BEND2: variants seen among roughly 807,000 people sequenced by gnomAD.
The protein encoded by BEND2 is BEN domain containing 2.
BEND2 carries 19 observed loss-of-function variants against 43.8 expected under a neutral mutation model. The observed-to-expected ratio is 0.43, with a 90% CI of 0.30 to 0.64. The LOEUF is 0.64. BEND2 is among the 30% of genes least tolerant of loss of function. The probability of loss-of-function intolerance (pLI) is 0.11; values close to 1 mark genes in which losing one functional copy is unlikely to be tolerated. For missense variants in BEND2, 544 were observed against 574.0 expected, an observed-to-expected ratio of 0.95 and a Z score of 0.53; for synonymous variants, 226 against 210.1, an observed-to-expected ratio of 1.08 and a Z score of -0.66.
chrX:18,188,905 A>G (rs1924660671), intron 8 of BEND2, among the ~76,000 whole-genome samples: 1 of 112,233 alleles, frequency 8.9e-6, no homozygotes, highest in African/African-American at 3.2e-5. Flanking sequence ...ATTCAACAAT[A>G]CATTAAAAAG....
chrX:18,173,790 G>C (rs1426565315), intron 12 of BEND2, among the ~76,000 whole-genome samples: 2 of 112,033 alleles, frequency 1.8e-5, no homozygotes, highest in African/African-American at 6.5e-5. Flanking sequence ...ACACAGTCCA[G>C]TGAGTCAGCA....
intron 1 of BEND2, among the ~76,000 whole-genome samples, chrX:18,219,989 T>C (rs1307596337): frequency 9.0e-6 from 1 of 111,004 alleles, no homozygotes; most frequent in Non-Finnish European, 1.9e-5. Flanking sequence ...TCTGAGTCAT[T>C]CCTCATTCCT....
At chrX:18,174,505 A>G (rs779722517) in intron 11 of BEND2, among the ~76,000 whole-genome samples, 9 of 112,573 alleles carry the variant, frequency 8.0e-5, no homozygotes, top group East Asian at 2.8e-4. Flanking sequence ...AAGGAACTCA[A>G]TGAGAACTGC....
At chrX:18,210,680 G>A (rs1158463846) in intron 4 of BEND2, among the ~76,000 whole-genome samples, 1 of 112,144 alleles carries the variant, frequency 8.9e-6, no homozygotes, top group Non-Finnish European at 1.9e-5. Context: ...TAAACCAACA[G>A]TGACACTCTG....
intron 6 of BEND2, among the ~76,000 whole-genome samples, chrX:18,195,646 G>A (rs1181570966): frequency 4.5e-5 from 5 of 110,866 alleles, no homozygotes; most frequent in East Asian, 2.8e-4. Flanking sequence ...TTTGGGAGGC[G>A]GAGACAAGTG....
At chrX:18,216,093 A>G (rs755019942) in intron 2 of BEND2, among the ~76,000 whole-genome samples, 45 of 111,536 alleles carry the variant, frequency 4.0e-4, no homozygotes, top group African/African-American at 1.3e-3. Context: ...CAACCTTGCT[A>G]TAATCACTTA....
At chrX:18,172,776 C>T (rs774112767) in intron 12 of BEND2, among the ~76,000 whole-genome samples, 15 of 110,642 alleles carry the variant, frequency 1.4e-4, no homozygotes, top group African/African-American at 2.0e-4. Flanking sequence ...CAAACCAAAA[C>T]GACAACAACA....
chrX:18,176,153 A>C lies in BEND2; in HGVS notation c.1631-60T>G, dbSNP rs376428852. 2.4e-4 allele frequency: 261 copies of C among 1,097,568 alleles called. 1 individual carries two copies. The African/African-American group carries it at 4.0e-3, about 17-fold the overall frequency. The allele number at this position is 1,097,568 out of a possible 1,213,427, so 90.5% of individuals were successfully genotyped here. ...AAAAAAAATTAACAAACTAATGAAA[A>C]ATTTTTTTCTTTAAACACTGACTTT... On this transcript the variant is annotated intron_variant, in intron 10 of 13. Transcript: ENST00000380033.
chrX:18,192,474 G>A (rs748843214), intron 7 of BEND2, among the ~76,000 whole-genome samples: 3 of 111,738 alleles, frequency 2.7e-5, no homozygotes, highest in East Asian at 5.6e-4. Flanking sequence ...TGGAGAAACC[G>A]GATCATTCAT....
chrX:18,198,133 T>C (rs1236481576), intron 6 of BEND2, among the ~76,000 whole-genome samples: 1 of 110,923 alleles, frequency 9.0e-6, no homozygotes, highest in East Asian at 2.8e-4. Flanking sequence ...ATTCAGGACA[T>C]AGGCATGGGC....
intron 10 of BEND2, among the ~76,000 whole-genome samples, chrX:18,176,392 G>A (rs760149060): frequency 2.0e-5 from 2 of 99,529 alleles, no homozygotes; most frequent in Non-Finnish European, 4.1e-5. Context: ...AAAAAAAAGT[G>A]TGTAGGCCAG....
intron 4 of BEND2, 74 bp from the exon 5 acceptor site, chrX:18,203,989 A>G: frequency 1.0e-6 from 1 of 982,799 alleles, no homozygotes; most frequent in Non-Finnish European, 1.4e-6. Flanking sequence ...TCCATGAGAC[A>G]TACAATCAAA....
intron 6 of BEND2, among the ~76,000 whole-genome samples, chrX:18,198,068 C>T (rs936460679): frequency 9.0e-6 from 1 of 111,624 alleles, no homozygotes; most frequent in African/African-American, 3.3e-5. Context: ...GGCGTAAAGA[C>T]TTAAACGTTA....
At chrX:18,176,780 T>C (rs751896007) in intron 10 of BEND2, among the ~76,000 whole-genome samples, 2 of 111,392 alleles carry the variant, frequency 1.8e-5, no homozygotes, top group East Asian at 2.8e-4. Flanking sequence ...AGGAAACATA[T>C]CAAGAGAAAA....
chrX:18,210,832 C>A (rs1925480351), intron 4 of BEND2, among the ~76,000 whole-genome samples: 1 of 111,745 alleles, frequency 8.9e-6, no homozygotes, highest in Non-Finnish European at 1.9e-5. Flanking sequence ...TATAATTATT[C>A]TAAAGATGAA....
intron 8 of BEND2, 74 bp from the exon 9 acceptor site, chrX:18,180,724 A>C: frequency 1.4e-6 from 1 of 736,196 alleles, no homozygotes; most frequent in Non-Finnish European, 2.0e-6. Context: ...GGGGAAATAC[A>C]CTCTCAGACA....
At chrX:18,170,217 T>G (rs1490423956) in intron 13 of BEND2, among the ~76,000 whole-genome samples, 1 of 112,072 alleles carries the variant, frequency 8.9e-6, no homozygotes, top group Non-Finnish European at 1.9e-5. Flanking sequence ...TAAGTACTGT[T>G]TGTGAAATTT....
intron 2 of BEND2, among the ~76,000 whole-genome samples, chrX:18,215,223 T>C (rs1925640364): frequency 8.9e-6 from 1 of 111,928 alleles, no homozygotes; most frequent in South Asian, 3.7e-4. Context: ...CTATCCTCAC[T>C]ATCTATACCC....
intron 8 of BEND2, 28 bp downstream of exon 8, chrX:18,190,973 C>A (rs770941730): frequency 7.0e-6 from 8 of 1,139,729 alleles, no homozygotes; most frequent in Non-Finnish European, 7.2e-6. Context: ...AAGAGTGCTA[C>A]TTGTAACATA....
Sources: gnomAD v4.1 joint callset for allele counts (sites outside exome capture counted in the v4.1 genomes callset) on GRCh38, gnomAD v4.1.1 for gene constraint, MANE v1.5 for transcripts, NCBI Gene and HGNC (gene_info 2026-07-23, HGNC 2026-07-21) for gene names.